Variants in MTRF1 observed in about 807,000 individuals in gnomAD.
MTRF1 encodes the protein mitochondrial translation release factor 1.
In MTRF1, 51 loss-of-function variants were observed where a neutral mutation model predicts 62.9. The ratio of observed to expected loss-of-function variants is 0.81; its 90% CI spans 0.65 to 1.02. The LOEUF (loss-of-function observed/expected upper bound fraction) is 1.02. Ranked by LOEUF, MTRF1 falls within the 50% of genes least tolerant of loss-of-function variation. The probability of loss-of-function intolerance (pLI) is 0.00; values close to 1 mark genes in which losing one functional copy is unlikely to be tolerated. For missense variants in MTRF1, 446 were observed against 530.0 expected (o/e 0.84, Z 1.56); for synonymous variants, 158 against 181.9 (o/e 0.87, Z 1.06).
intron 5 of MTRF1, among the ~76,000 whole-genome samples, chr13:41,251,179 A>C (rs1055564812): frequency 2.0e-5 from 3 of 152,130 alleles, no homozygotes; most frequent in African/African-American, 7.2e-5. Flanking sequence ...GTTACTTAGC[A>C]AATTATGCCT....
chr13:41,270,587 A>AAAC, the MTRF1 span, among the ~76,000 whole-genome samples: 1 of 152,218 alleles, frequency 6.6e-6, no homozygotes. Context: ...ATATTGAAGG[A>AAAC]AACAACTTAG....
At chr13:41,268,883 T>G in the MTRF1 span, among the ~76,000 whole-genome samples, 1 of 152,104 alleles carries the variant, frequency 6.6e-6, no homozygotes, top group Non-Finnish European at 1.5e-5. Flanking sequence ...GGAGAGACCA[T>G]TATAATTTCT....
chr13:41,298,019 C>T, the MTRF1 span, among the ~76,000 whole-genome samples: 3 of 152,092 alleles, frequency 2.0e-5, no homozygotes, highest in Admixed American at 6.6e-5. Context: ...ATTCTAAATA[C>T]ATTTTCCCTT....
At position 41,250,048 on chromosome 13, in the gene MTRF1, A is replaced by G. The variant is rs372828736; in HGVS notation, c.697+2597T>C. The stretch of plus-strand genomic sequence containing the variant: ...GTGTGTCTAAAGGAAAGGTTTCCCA[A>G]TCATTGTTTAGGCTGCTATACAAAC... On this transcript the variant is annotated intron_variant, in intron 5 of 9. Transcript: ENST00000379480. 7.2e-5 allele frequency among the ~76,000 whole-genome samples: 11 copies of G among 152,184 alleles called. No individual in the cohort carries two copies. The East Asian group carries it at 1.9e-3, about 27-fold the overall frequency.
chr13:41,273,303 G>A, the MTRF1 span, among the ~76,000 whole-genome samples: 14 of 150,628 alleles, frequency 9.3e-5, no homozygotes, highest in East Asian at 5.9e-4. Context: ...TCCAGCCTGG[G>A]CTACAGAGCG....
At chr13:41,223,537 G>A (rs1209130150) in intron 8 of MTRF1, among the ~76,000 whole-genome samples, 183 bp from the exon 9 acceptor site, 2 of 152,084 alleles carry the variant, frequency 1.3e-5, no homozygotes, top group African/African-American at 2.4e-5. Flanking sequence ...TGTAGAGCTC[G>A]GTTATAGAAT....
chr13:41,281,152 T>G, the MTRF1 span, among the ~76,000 whole-genome samples: 1 of 152,196 alleles, frequency 6.6e-6, no homozygotes, highest in Non-Finnish European at 1.5e-5. Context: ...GGAAGGCGTG[T>G]AAGCCAGCCC....
At chr13:41,219,268 G>A (rs1171972909) in intron 9 of MTRF1, among the ~76,000 whole-genome samples, 1 of 144,400 alleles carries the variant, frequency 6.9e-6, no homozygotes, top group Non-Finnish European at 1.5e-5. Context: ...TCCAGCCTGG[G>A]CAACAGAGCA....
At chr13:41,281,932 C>T in the MTRF1 span, among the ~76,000 whole-genome samples, 3 of 151,936 alleles carry the variant, frequency 2.0e-5, no homozygotes, top group African/African-American at 7.3e-5. Flanking sequence ...GTCAGGAGAT[C>T]GAGACCATCC....
chr13:41,298,187 T>C, the MTRF1 span, among the ~76,000 whole-genome samples: 2 of 152,198 alleles, frequency 1.3e-5, no homozygotes, highest in Non-Finnish European at 2.9e-5. Flanking sequence ...TCTTTTTTGC[T>C]TTTCCCCTCT....
At chr13:41,304,260 C>G in the MTRF1 span, among the ~76,000 whole-genome samples, 1 of 152,104 alleles carries the variant, frequency 6.6e-6, no homozygotes, top group Non-Finnish European at 1.5e-5. Context: ...AATACAAGCT[C>G]CATGAGGGCA....
the MTRF1 span, among the ~76,000 whole-genome samples, chr13:41,286,088 C>CAAAAAAAAAA: frequency 1.8e-5 from 2 of 110,048 alleles, no homozygotes; most frequent in Non-Finnish European, 3.5e-5. Context: ...ACAACAACAA[C>CAAAAAAAAAA]AAAAAAAAAA....
rs149068048 is a variant in MTRF1 at position 41,232,967 on chromosome 13, C to T, written c.988+923G>A. Among the ~76,000 whole-genome samples the T allele has an allele frequency of 5.3e-5, 8 of 152,266 alleles. No individual in the cohort carries two copies. The East Asian group carries it at 1.5e-3, about 29-fold the overall frequency. Reference sequence around the variant, plus strand: ...AACTCTAGGAAATGAAATCACAGGACTGTATACTAATGGGCTCAGCGTCTA... The same window carrying T: ...AACTCTAGGAAATGAAATCACAGGATTGTATACTAATGGGCTCAGCGTCTA... On this transcript the variant is annotated intron_variant, in intron 7 of 9. Coordinates refer to ENST00000379480, the MANE Select transcript of MTRF1 (RefSeq NM_004294.4).
the MTRF1 span, among the ~76,000 whole-genome samples, chr13:41,297,493 A>G: frequency 6.6e-6 from 1 of 152,162 alleles, no homozygotes; most frequent in Non-Finnish European, 1.5e-5. Flanking sequence ...GCCATTACAC[A>G]TACAAAAGTC....
intron 5 of MTRF1, among the ~76,000 whole-genome samples, chr13:41,250,953 C>T (rs148743430): frequency 6.6e-6 from 1 of 152,248 alleles, no homozygotes; most frequent in African/African-American, 2.4e-5. Context: ...TCCTTTGTGT[C>T]AGAATAGAAT....
the MTRF1 span, among the ~76,000 whole-genome samples, chr13:41,305,027 A>C: frequency 6.6e-6 from 1 of 152,246 alleles, no homozygotes; most frequent in Non-Finnish European, 1.5e-5. Flanking sequence ...CCAAATCTTA[A>C]GTATTCAATA....
chr13:41,242,822 G>A (rs1003911324), intron 5 of MTRF1, among the ~76,000 whole-genome samples: 1 of 152,096 alleles, frequency 6.6e-6, no homozygotes, highest in African/African-American at 2.4e-5. Context: ...AGTGGTTCAT[G>A]CCTGTAATCC....
the MTRF1 span, among the ~76,000 whole-genome samples, chr13:41,283,754 T>TA: frequency 6.6e-6 from 1 of 151,466 alleles, no homozygotes; most frequent in Non-Finnish European, 1.5e-5. Flanking sequence ...TACGCCCGGC[T>TA]AACTTTTTGT....
chr13:41,288,846 A>C, the MTRF1 span, among the ~76,000 whole-genome samples: 1 of 152,316 alleles, frequency 6.6e-6, no homozygotes, highest in East Asian at 1.9e-4. Flanking sequence ...TCGCAGTGTC[A>C]ATAATGCATT....
Sources: allele counts gnomAD v4.1 joint callset (sites outside exome capture counted in the v4.1 genomes callset), GRCh38; gene constraint gnomAD v4.1.1; transcripts MANE v1.5; gene names NCBI Gene and HGNC (gene_info 2026-07-23, HGNC 2026-07-21).